The following SPPL3 variants were observed in gnomAD, a reference collection of about 807,000 sequenced individuals.
The protein encoded by SPPL3 is signal peptide peptidase like 3.
Under a neutral mutation model 42.4 loss-of-function variants are expected in SPPL3, and 5 were observed. That is an observed-to-expected ratio of 0.12 (90% CI 0.06 to 0.25). The LOEUF (loss-of-function observed/expected upper bound fraction) is 0.25. SPPL3 is among the 10% of genes least tolerant of loss of function. The pLI is 1.00. For missense variants in SPPL3, 235 were observed against 489.0 expected (o/e 0.48, Z 4.90); for synonymous variants, 195 against 181.8 (o/e 1.07, Z -0.58).
intron 1 of SPPL3, among the ~76,000 whole-genome samples, chr12:120,866,412 T>TG (rs1354881172): frequency 3.3e-5 from 5 of 152,178 alleles, no homozygotes; most frequent in African/African-American, 1.2e-4. Flanking sequence ...GGTTGGGACA[T>TG]ATACCTCTAG....
At chr12:120,807,751 C>A (rs1249377728) in intron 2 of SPPL3, among the ~76,000 whole-genome samples, 1 of 150,840 alleles carries the variant, frequency 6.6e-6, no homozygotes, top group African/African-American at 2.4e-5. Flanking sequence ...AAAACAAAAA[C>A]CAAAAATATC....
intron 1 of SPPL3, among the ~76,000 whole-genome samples, chr12:120,893,358 G>C (rs886188431): frequency 6.6e-6 from 1 of 152,094 alleles, no homozygotes; most frequent in Admixed American, 6.6e-5. Flanking sequence ...GCTGAGGCAG[G>C]AGAATGGCGT....
intron 1 of SPPL3, among the ~76,000 whole-genome samples, chr12:120,845,870 CTATCT>C (rs2137029964): frequency 7.1e-6 from 1 of 139,928 alleles, no homozygotes; most frequent in East Asian, 2.0e-4. Context: ...ATCTATCTAT[CTATCT>C]ATCTATCTAT....
intron 1 of SPPL3, among the ~76,000 whole-genome samples, chr12:120,823,915 G>C (rs886433835): frequency 1.3e-5 from 2 of 150,676 alleles, no homozygotes; most frequent in Non-Finnish European, 2.9e-5. Flanking sequence ...CTGTCGCCCA[G>C]GCTGGAGTGC....
intron 1 of SPPL3, among the ~76,000 whole-genome samples, chr12:120,840,697 G>A (rs1198206892): frequency 6.6e-6 from 1 of 152,062 alleles, no homozygotes; most frequent in Non-Finnish European, 1.5e-5. Context: ...TGGGTGTGGT[G>A]GTGTGCGCCT....
At chr12:120,787,573 AATGAATTATTAC>A (rs1869764582) in intron 3 of SPPL3, among the ~76,000 whole-genome samples, 1 of 152,138 alleles carries the variant, frequency 6.6e-6, no homozygotes, top group African/African-American at 2.4e-5. Context: ...AAAGCACAAA[AATGAATTATTAC>A]ATATTTAATA....
chr12:120,775,088 C>T (rs1027013933), intron 6 of SPPL3, among the ~76,000 whole-genome samples: 25 of 152,026 alleles, frequency 1.6e-4, no homozygotes, highest in African/African-American at 1.2e-4. Flanking sequence ...CTCACATTCG[C>T]GATACAGGCT....
At chr12:120,818,151 G>A (rs996169278) in intron 1 of SPPL3, among the ~76,000 whole-genome samples, 13 of 152,254 alleles carry the variant, frequency 8.5e-5, no homozygotes, top group East Asian at 5.8e-4. Flanking sequence ...GGCTCTGGGC[G>A]GACATGAAAG....
intron 1 of SPPL3, among the ~76,000 whole-genome samples, chr12:120,811,793 T>C (rs1010220690): frequency 7.9e-5 from 12 of 152,206 alleles, no homozygotes; most frequent in Non-Finnish European, 1.8e-4. Context: ...AAGAGTGCCT[T>C]GGTCTCTGCC....
At chr12:120,835,550 A>G (rs1871589547) in intron 1 of SPPL3, 1 of 152,348 alleles carries the variant, frequency 6.6e-6, no homozygotes, top group East Asian at 1.9e-4. Context: ...ATAGTCAGAA[A>G]AATCTTGAGA....
intron 1 of SPPL3, among the ~76,000 whole-genome samples, chr12:120,871,116 T>C (rs1455006492): frequency 2.8e-5 from 2 of 71,768 alleles, no homozygotes; most frequent in African/African-American, 9.7e-5. Context: ...GGCGACAGAG[T>C]GAGACTCCGT....
chr12:120,883,961 C>T (rs1488449520), intron 1 of SPPL3, among the ~76,000 whole-genome samples: 1 of 151,958 alleles, frequency 6.6e-6, no homozygotes, highest in Non-Finnish European at 1.5e-5. Context: ...ATTAGCCGGG[C>T]GTGGTGGCGC....
intron 1 of SPPL3, among the ~76,000 whole-genome samples, chr12:120,890,833 T>C (rs1362194016): frequency 6.6e-6 from 1 of 152,168 alleles, no homozygotes; most frequent in Non-Finnish European, 1.5e-5. Context: ...GCCTTATTAT[T>C]TGATGAGAAT....
chr12:120,835,486 T>A (rs1202300991), intron 1 of SPPL3: 1 of 152,220 alleles, frequency 6.6e-6, no homozygotes, highest in Non-Finnish European at 1.5e-5. Flanking sequence ...AGATCTATCC[T>A]CTGACCCACT....
At chr12:120,840,684 A>G (rs1265987169) in intron 1 of SPPL3, among the ~76,000 whole-genome samples, 1 of 152,126 alleles carries the variant, frequency 6.6e-6, no homozygotes, top group East Asian at 1.9e-4. Context: ...ATACAAAAAT[A>G]GCTGGGTGTG....
intron 1 of SPPL3, among the ~76,000 whole-genome samples, chr12:120,813,898 TA>T (rs1870776597): frequency 6.6e-6 from 1 of 152,178 alleles, no homozygotes; most frequent in Non-Finnish European, 1.5e-5. Flanking sequence ...AAAAGCTTTA[TA>T]AAAGTTTTGC....
At position 120,766,100 on chromosome 12, in the gene SPPL3, G is replaced by GCACA. The variant is rs111837123; in HGVS notation, c.1083+159_1083+162dup. On this transcript the variant is annotated intron_variant, in intron 10 of 10. Coordinates refer to ENST00000353487, the MANE Select transcript of SPPL3 (RefSeq NM_139015.5). ...GCTAACGCCAGGGTAGCGCGCGCGCGCACACACACACACACACACACACAC... is the reference window on the plus strand; with the variant it reads ...GCTAACGCCAGGGTAGCGCGCGCGCGCACACACACACACACACACACACACACAC... 7.4e-3 allele frequency among the ~76,000 whole-genome samples: 623 copies of GCACA among 84,092 alleles called. 4 individuals are homozygous for GCACA. Among genetic ancestry groups the GCACA allele is most frequent in the South Asian group, 0.018 (49 of 2,752 alleles). 55.2% of individuals were successfully genotyped at this position (84,092 alleles called of 152,430 possible). A position where few individuals can be genotyped will look rare whatever the true frequency, so the allele number is the denominator to read the frequency against.
intron 1 of SPPL3, among the ~76,000 whole-genome samples, chr12:120,892,228 T>C (rs11065314): frequency 0.088 from 13,456 of 152,176 alleles, 1,744 homozygotes; most frequent in African/African-American, 0.29. Flanking sequence ...TGTAGGTCCT[T>C]GCACCATGAA....
At chr12:120,827,328 C>CAATAATAATAATAAT (rs71076662) in intron 1 of SPPL3, among the ~76,000 whole-genome samples, 11 of 145,632 alleles carry the variant, frequency 7.6e-5, no homozygotes, top group African/African-American at 2.5e-4. Context: ...ATAACAGGAA[C>CAATAATAATAATAAT]AATAATAATA....
Sources: allele counts gnomAD v4.1 joint callset (sites outside exome capture counted in the v4.1 genomes callset), GRCh38; gene constraint gnomAD v4.1.1; transcripts MANE v1.5; gene names NCBI Gene and HGNC (gene_info 2026-07-23, HGNC 2026-07-21).